Variants in VPS13B observed in about 807,000 individuals in gnomAD.
The protein encoded by VPS13B is vacuolar protein sorting 13 homolog B.
In VPS13B, 285 loss-of-function variants were observed where a neutral mutation model predicts 426.4. That is an observed-to-expected ratio of 0.67 (90% confidence interval 0.61 to 0.74). The LOEUF (loss-of-function observed/expected upper bound fraction) is 0.74. VPS13B is among the 30% of genes least tolerant of loss of function. The pLI, the probability that VPS13B is intolerant of heterozygous loss-of-function variation, is 0.00. For missense variants in VPS13B, 4,537 were observed against 4,782.6 expected, an observed-to-expected ratio of 0.95 and a Z score of 1.51; for synonymous variants, 1,676 against 1,676.4, an observed-to-expected ratio of 1.00 and a Z score of 0.01.
At chr8:99,464,687 T>TATGTTCC (rs1819019449) in intron 23 of VPS13B, among the ~76,000 whole-genome samples, 1 of 152,204 alleles carries the variant, frequency 6.6e-6, no homozygotes, top group African/African-American at 2.4e-5. Flanking sequence ...GTAAGTTTAA[T>TATGTTCC]ATGTTCCTTT....
chr8:99,473,165 A>G (rs1819501746), intron 24 of VPS13B, among the ~76,000 whole-genome samples: 1 of 152,072 alleles, frequency 6.6e-6, no homozygotes. Context: ...TGAAGCTAGC[A>G]TAACTCTAAT....
intron 17 of VPS13B, among the ~76,000 whole-genome samples, chr8:99,196,464 G>A (rs1588132012): frequency 6.7e-6 from 1 of 149,068 alleles, no homozygotes; most frequent in Non-Finnish European, 1.5e-5. Flanking sequence ...GGAGTCTTTA[G>A]GGGTTTTTTT....
intron 17 of VPS13B, among the ~76,000 whole-genome samples, chr8:99,200,707 A>C (rs571691931): frequency 3.9e-4 from 59 of 152,258 alleles, no homozygotes; most frequent in Non-Finnish European, 3.2e-4. Flanking sequence ...CTATGGAGAA[A>C]TTATTCAAAT....
At chr8:99,548,846 T>A (rs1425493982) in intron 30 of VPS13B, among the ~76,000 whole-genome samples, 3 of 151,890 alleles carry the variant, frequency 2.0e-5, no homozygotes, top group Non-Finnish European at 2.9e-5. Context: ...GAAAGAAAAA[T>A]TAAATTTTTA....
At chr8:99,697,283 G>A in intron 35 of VPS13B, 1 of 579,668 alleles carries the variant, frequency 1.7e-6, no homozygotes. Flanking sequence ...AGCTGCAGAA[G>A]CGCTCGGAGT....
intron 39 of VPS13B, among the ~76,000 whole-genome samples, chr8:99,758,896 C>A (rs1327501025): frequency 6.6e-6 from 1 of 152,116 alleles, no homozygotes; most frequent in Non-Finnish European, 1.5e-5. Flanking sequence ...ACCATTGCGA[C>A]CCTCTGATGT....
At chr8:99,422,410 A>G (rs1432887485) in intron 21 of VPS13B, among the ~76,000 whole-genome samples, 1 of 152,158 alleles carries the variant, frequency 6.6e-6, no homozygotes, top group Non-Finnish European at 1.5e-5. Flanking sequence ...ACTGCTTGGA[A>G]ATATTAGCAT....
intron 35 of VPS13B, among the ~76,000 whole-genome samples, chr8:99,666,474 T>A (rs1177147786): frequency 6.6e-6 from 1 of 152,184 alleles, no homozygotes; most frequent in Non-Finnish European, 1.5e-5. Flanking sequence ...TCAAGTGGGC[T>A]TCATCCCTGG....
intron 33 of VPS13B, among the ~76,000 whole-genome samples, chr8:99,634,153 A>G (rs759330722): frequency 5.3e-5 from 8 of 152,012 alleles, no homozygotes; most frequent in Non-Finnish European, 1.0e-4. Flanking sequence ...TCAACACTGC[A>G]GATAAAATCT....
At chr8:99,225,643 G>C (rs527906535) in intron 17 of VPS13B, among the ~76,000 whole-genome samples, 1 of 152,162 alleles carries the variant, frequency 6.6e-6, no homozygotes, top group African/African-American at 2.4e-5. Flanking sequence ...CATCTTGTAA[G>C]TCATCATGTT....
intron 30 of VPS13B, among the ~76,000 whole-genome samples, chr8:99,547,766 CA>C (rs1044946086): frequency 4.6e-5 from 7 of 152,022 alleles, no homozygotes; most frequent in African/African-American, 1.7e-4. Context: ...TTCGGAAGGG[CA>C]AAGCAATTAC....
intron 2 of VPS13B, among the ~76,000 whole-genome samples, chr8:99,037,837 CTTTTT>C (rs5893475): frequency 7.0e-6 from 1 of 142,064 alleles, no homozygotes; most frequent in Admixed American, 7.0e-5. Flanking sequence ...AAGTGGAATA[CTTTTT>C]TTTTTTTTTT....
chr8:99,478,980 C>T (rs940292498), intron 24 of VPS13B, among the ~76,000 whole-genome samples: 3 of 151,938 alleles, frequency 2.0e-5, no homozygotes, highest in Admixed American at 6.6e-5. Context: ...GGTGAAATTC[C>T]GTTTCTCCTT....
At chr8:99,419,591 C>A (rs1049863880) in intron 21 of VPS13B, among the ~76,000 whole-genome samples, 2 of 151,878 alleles carry the variant, frequency 1.3e-5, no homozygotes, top group Non-Finnish European at 2.9e-5. Context: ...GCAGTTGCCC[C>A]CTAGTATAAT....
At chr8:99,466,353 A>G (rs1819112531) in intron 23 of VPS13B, among the ~76,000 whole-genome samples, 4 of 152,112 alleles carry the variant, frequency 2.6e-5, no homozygotes, top group African/African-American at 9.6e-5. Flanking sequence ...AATTTGTTCT[A>G]AAATAATTGA....
intron 3 of VPS13B, among the ~76,000 whole-genome samples, chr8:99,061,914 G>A (rs1053548399): frequency 2.0e-5 from 3 of 152,124 alleles, no homozygotes; most frequent in Admixed American, 1.3e-4. Context: ...AGTGTTTGTT[G>A]TGTTTACCCA....
At chr8:99,566,515 A>C (rs984179394) in intron 31 of VPS13B, among the ~76,000 whole-genome samples, 3 of 151,320 alleles carry the variant, frequency 2.0e-5, no homozygotes, top group African/African-American at 7.3e-5. Flanking sequence ...GTCTCAGCTC[A>C]CTGCAGTCTC....
chr8:99,564,943 C>T (rs1035513263), intron 31 of VPS13B, among the ~76,000 whole-genome samples: 2 of 152,186 alleles, frequency 1.3e-5, no homozygotes, highest in Non-Finnish European at 2.9e-5. Flanking sequence ...CTCTTAGCAA[C>T]ATTTTTGCTA....
chr8:99,460,134 G>T (rs1015516602), intron 23 of VPS13B, among the ~76,000 whole-genome samples: 5 of 151,984 alleles, frequency 3.3e-5, no homozygotes, highest in Non-Finnish European at 5.9e-5. Flanking sequence ...TTGGTAATTT[G>T]CTATTTGTTG....
Sources: gnomAD v4.1 joint callset for allele counts (sites outside exome capture counted in the v4.1 genomes callset) on GRCh38, gnomAD v4.1.1 for gene constraint, MANE v1.5 for transcripts, NCBI Gene and HGNC (gene_info 2026-07-23, HGNC 2026-07-21) for gene names.